Variants in MTMR7 observed in about 807,000 individuals in gnomAD.
MTMR7 encodes myotubularin related protein 7.
In MTMR7, 76 loss-of-function variants were observed where a neutral mutation model predicts 81.2. The observed-to-expected ratio is 0.94, with a 90% CI of 0.78 to 1.13. MTMR7 has a LOEUF of 1.13. Among genes scored for constraint, MTMR7 ranks in the 50% most tolerant of loss-of-function variants. The pLI, the probability that MTMR7 is intolerant of heterozygous loss-of-function variation, is 0.00. For missense variants in MTMR7, 1,044 were observed against 820.0 expected (o/e 1.27, Z -3.34); for synonymous variants, 372 against 289.8 (o/e 1.28, Z -2.88).
At chr8:17,327,605 G>A (rs1411997551) in intron 7 of MTMR7, among the ~76,000 whole-genome samples, 4 of 149,566 alleles carry the variant, frequency 2.7e-5, no homozygotes, top group South Asian at 2.1e-4. Context: ...TTTTAAAAAC[G>A]TATTTTGGAT....
intron 3 of MTMR7, among the ~76,000 whole-genome samples, chr8:17,369,388 T>G (rs1820337062): frequency 6.6e-6 from 1 of 152,216 alleles, no homozygotes; most frequent in Admixed American, 6.5e-5. Context: ...TTCCATTTAG[T>G]AACTTTAGCT....
chr8:17,390,071 G>A (rs1307110282), intron 1 of MTMR7, among the ~76,000 whole-genome samples: 1 of 43,780 alleles, frequency 2.3e-5, no homozygotes, highest in Non-Finnish European at 6.8e-5. Context: ...CAGGGAATAT[G>A]TTAAAAAAAA....
chr8:17,379,767 G>C (rs549852722), intron 1 of MTMR7, among the ~76,000 whole-genome samples: 29 of 152,176 alleles, frequency 1.9e-4, no homozygotes, highest in African/African-American at 6.7e-4. Context: ...CATGTTAAGT[G>C]TTTTTGGGGT....
intron 7 of MTMR7, among the ~76,000 whole-genome samples, chr8:17,328,568 G>A (rs867630966): frequency 7.2e-5 from 11 of 152,086 alleles, no homozygotes; most frequent in Admixed American, 1.3e-4. Context: ...GCCTGTTGGC[G>A]GGGGTGGGGG....
At chr8:17,341,263 A>G (rs1299998052) in intron 6 of MTMR7, 100 bp downstream of exon 6, 2 of 1,492,500 alleles carry the variant, frequency 1.3e-6, no homozygotes, top group East Asian at 2.3e-5. Context: ...CCCTTTGCAG[A>G]TGAAGCAACC....
chr8:17,397,159 G>A (rs1585121264), intron 1 of MTMR7, among the ~76,000 whole-genome samples: 1 of 151,864 alleles, frequency 6.6e-6, no homozygotes, highest in African/African-American at 2.4e-5. Context: ...TGGAGGCTAT[G>A]GAGAGAGACT....
intron 1 of MTMR7, among the ~76,000 whole-genome samples, chr8:17,391,502 T>C (rs1042736865): frequency 6.6e-6 from 1 of 152,178 alleles, no homozygotes; most frequent in East Asian, 1.9e-4. Flanking sequence ...AAAACTGGCA[T>C]AGAGAAAGCA....
At position 17,304,505 on chromosome 8, in the gene MTMR7, G is replaced by T. The variant is rs1288973984; in HGVS notation, c.1367C>A (p.Thr456Lys). The T allele has an allele frequency of 1.9e-6, 3 of 1,613,204 alleles. No homozygotes were observed. Among genetic ancestry groups the T allele is most frequent in the Non-Finnish European group, 2.5e-6 (3 of 1,179,478 alleles). ...ERRELKIQER[T>K]YSLWAHLWKN... ...CCACAGGTGAGCCCATAATGAGTAT[G>T]TTCTTTCTTGAATCCTGTTATAAAG... is the stretch of plus-strand genomic sequence containing the variant. The change falls in exon 12 of 14, where the codon ACA (threonine) becomes AAA (lysine). Residue 456 changes from threonine (T) to lysine (K), a missense_variant. Thr to Lys is a moderately conservative substitution (Grantham distance 78). Coordinates refer to ENST00000180173, the MANE Select transcript of MTMR7 (RefSeq NM_004686.5).
At chr8:17,403,002 G>A (rs1563381990) in intron 1 of MTMR7, among the ~76,000 whole-genome samples, 1 of 152,152 alleles carries the variant, frequency 6.6e-6, no homozygotes, top group African/African-American at 2.4e-5. Context: ...GGTTCCTGAT[G>A]TTGAGCACCT....
intron 1 of MTMR7, among the ~76,000 whole-genome samples, chr8:17,383,360 A>C (rs543879145): frequency 1.3e-5 from 2 of 152,296 alleles, no homozygotes; most frequent in African/African-American, 4.8e-5. Context: ...TACTTTTACC[A>C]CTGACCACAC....
intron 3 of MTMR7, among the ~76,000 whole-genome samples, chr8:17,369,675 T>G (rs1243372863): frequency 7.3e-6 from 1 of 137,888 alleles, no homozygotes; most frequent in Non-Finnish European, 1.5e-5. Context: ...AAACAGAGTC[T>G]CGTTCTGTCA....
chr8:17,365,496 G>C (rs1373389018), intron 3 of MTMR7, among the ~76,000 whole-genome samples: 2 of 152,172 alleles, frequency 1.3e-5, no homozygotes, highest in Non-Finnish European at 2.9e-5. Context: ...AAACAGGCAT[G>C]TTAAAAGCTC....
Position 17,298,311 on chromosome 8 carries a change from C to T in MTMR7, c.*1551G>A, listed in dbSNP as rs989075722. 1.3e-5 allele frequency: 2 copies of T among 151,836 alleles called. No homozygotes were observed. Among genetic ancestry groups the T allele is most frequent in the African/African-American group, 4.8e-5 (2 of 41,358 alleles). 9.4% of individuals were successfully genotyped at this position (151,836 alleles called of 1,614,324 possible). ...TTGGGAACTGCTCAGCAGAGAATGC[C>T]CAAATTTTATATTCTGAAAGAATTA... On this transcript the variant is annotated 3_prime_UTR_variant, in exon 14 of 14. Coordinates refer to ENST00000180173, the MANE Select transcript of MTMR7 (RefSeq NM_004686.5).
chr8:17,307,824 G>T (rs1362483092), intron 10 of MTMR7, among the ~76,000 whole-genome samples: 1 of 151,554 alleles, frequency 6.6e-6, no homozygotes, highest in Non-Finnish European at 1.5e-5. Flanking sequence ...ACTCATAGGT[G>T]GGAACTGAAC....
intron 4 of MTMR7, 134 bp from the exon 5 acceptor site, chr8:17,349,215 T>G (rs1819653716): frequency 9.3e-7 from 1 of 1,076,012 alleles, no homozygotes; most frequent in Admixed American, 2.4e-5. Flanking sequence ...GGAGGCTATT[T>G]CGAGGAAACT....
In MTMR7 at chr8:17,363,925, C is replaced by T. The variant is rs545039432; in HGVS notation, c.311-2651G>A. The stretch of plus-strand genomic sequence containing the variant: ...AAGCTTAAAAAAAAAAAACCTAGGG[C>T]TTGACAATCCTTTTTTTTTTTTGCT... On this transcript the variant is annotated intron_variant, in intron 3 of 13. Coordinates refer to ENST00000180173, the MANE Select transcript of MTMR7 (RefSeq NM_004686.5). Among the ~76,000 whole-genome samples the T allele has an allele frequency of 6.7e-5, 9 of 134,260 alleles. No individual in the cohort carries two copies. In the South Asian group the frequency reaches 1.8e-3, roughly 27 times the overall value. 88.1% of individuals were successfully genotyped at this position (134,260 alleles called of 152,430 possible). A position where few individuals can be genotyped will look rare whatever the true frequency, so the allele number is the denominator to read the frequency against.
At chr8:17,360,978 A>T in intron 4 of MTMR7, 139 bp downstream of exon 4, 1 of 951,450 alleles carries the variant, frequency 1.1e-6, no homozygotes, top group Non-Finnish European at 1.6e-6. Flanking sequence ...AGCTGGCACT[A>T]ACCAAGAGAG....
chr8:17,405,303 C>T (rs1019853474), intron 1 of MTMR7, among the ~76,000 whole-genome samples: 26 of 152,164 alleles, frequency 1.7e-4, no homozygotes, highest in African/African-American at 6.0e-4. Context: ...GCAGAAGACA[C>T]AAGACTTCTG....
At chr8:17,306,625 C>A (rs1817472208) in intron 10 of MTMR7, among the ~76,000 whole-genome samples, 1 of 152,102 alleles carries the variant, frequency 6.6e-6, no homozygotes, top group Non-Finnish European at 1.5e-5. Context: ...TACAGAGAAT[C>A]CAAAAGGATG....
Sources: allele counts gnomAD v4.1 joint callset (sites outside exome capture counted in the v4.1 genomes callset), GRCh38; gene constraint gnomAD v4.1.1; transcripts MANE v1.5; gene names NCBI Gene and HGNC (gene_info 2026-07-23, HGNC 2026-07-21).